TOM1L2: variants seen among roughly 807,000 people sequenced by gnomAD.
TOM1L2 encodes TOM1-like protein 2.
A neutral mutation model predicts 67.9 loss-of-function variants in TOM1L2; 31 were observed. The observed-to-expected ratio is 0.46, with a 90% CI of 0.34 to 0.62. The LOEUF is 0.62. Among genes scored for constraint, TOM1L2 ranks in the 20% least tolerant of loss-of-function variants. The probability of loss-of-function intolerance (pLI) is 0.01; values close to 1 mark genes in which losing one functional copy is unlikely to be tolerated. For synonymous variants in TOM1L2, 256 were observed against 254.0 expected (o/e 1.01, Z -0.07); for missense variants, 606 against 663.5 (o/e 0.91, Z 0.95).
chr17:17,874,112 A>C (rs1598235152), intron 7 of TOM1L2, among the ~76,000 whole-genome samples: 2 of 145,224 alleles, frequency 1.4e-5, no homozygotes, highest in African/African-American at 5.1e-5. Flanking sequence ...CCTGCCACCA[A>C]GCCCGGCTAA....
intron 2 of TOM1L2, among the ~76,000 whole-genome samples, chr17:17,902,170 C>T (rs949309184): frequency 4.6e-5 from 7 of 151,700 alleles, no homozygotes; most frequent in Non-Finnish European, 1.0e-4. Context: ...GAGCAAAACT[C>T]CACCTCAAAA....
chr17:17,879,535 G>T, intron 7 of TOM1L2, 92 bp downstream of exon 7: 3 of 995,456 alleles, frequency 3.0e-6, no homozygotes, highest in Non-Finnish European at 4.8e-6. Context: ...GACCTGTCCC[G>T]CCTTGCCGCT....
intron 1 of TOM1L2, among the ~76,000 whole-genome samples, chr17:17,921,858 C>T (rs915713955): frequency 1.3e-5 from 2 of 152,136 alleles, no homozygotes; most frequent in East Asian, 1.9e-4. Flanking sequence ...AGGGGCTGTT[C>T]CCCTCGCCCT....
In TOM1L2 at chr17:17,845,425, G is replaced by A. The variant is rs2035593153; in HGVS notation, c.*2210C>T. The A allele has an allele frequency of 6.6e-6, 1 of 152,252 alleles. No individual in the cohort carries two copies. The highest frequency in any genetic ancestry group is 2.1e-4 in the South Asian group (1 of 4,834). 9.4% of individuals were successfully genotyped at this position (152,252 alleles called of 1,614,324 possible). ...AGTTTTGCTGGGGGCTCCCCAGGAG[G>A]GCGCCTATTTCAGCTTCACGCACTA... On this transcript the variant is annotated 3_prime_UTR_variant, in exon 15 of 15. Coordinates refer to ENST00000379504, the MANE Select transcript of TOM1L2 (RefSeq NM_001082968.2).
chr17:17,950,363 T>C (rs770851384), intron 1 of TOM1L2, among the ~76,000 whole-genome samples: 2 of 151,956 alleles, frequency 1.3e-5, no homozygotes, highest in Non-Finnish European at 2.9e-5. Flanking sequence ...TTTACCAAGT[T>C]GGCCGCGCTT....
intron 11 of TOM1L2, 50 bp downstream of exon 11, chr17:17,862,681 G>A: frequency 6.7e-7 from 1 of 1,495,554 alleles, no homozygotes; most frequent in South Asian, 1.1e-5. Flanking sequence ...CCAGGCATGG[G>A]TCAATCCCCC....
intron 1 of TOM1L2, among the ~76,000 whole-genome samples, chr17:17,962,457 C>T (rs1368488276): frequency 2.0e-5 from 3 of 151,904 alleles, no homozygotes; most frequent in South Asian, 2.1e-4. Context: ...GGACTACAGG[C>T]GCACACTGCC....
At chr17:17,882,046 C>T (rs954759504) in intron 6 of TOM1L2, among the ~76,000 whole-genome samples, 1 of 152,144 alleles carries the variant, frequency 6.6e-6, no homozygotes, top group Non-Finnish European at 1.5e-5. Flanking sequence ...CTCCCCAATT[C>T]ATCTAAAAAA....
rs772011316 is a variant in TOM1L2, at chr17:17,847,243, C to T, written c.*392G>A. On this transcript the variant is annotated 3_prime_UTR_variant, in exon 15 of 15. Coordinates refer to ENST00000379504, the MANE Select transcript of TOM1L2 (RefSeq NM_001082968.2). ...AGGAGGGCAGAATGCCTGAGAAGGT[C>T]GCTGAGCCAGGCAGAGGTGAGCACA... 1.8e-5 allele frequency: 4 copies of T among 222,728 alleles called. No individual in the cohort carries two copies. The highest frequency in any genetic ancestry group is 7.1e-5 in the South Asian group (1 of 14,060). The allele number at this position is 222,728 out of a possible 1,614,324, so 13.8% of individuals were successfully genotyped here. A position where few individuals can be genotyped will look rare whatever the true frequency, so the allele number is the denominator to read the frequency against.
rs10555800 is a variant in TOM1L2 at position 17,969,859 on chromosome 17, T to TTCTC, written c.52+2399_52+2402dup. Among the ~76,000 whole-genome samples the TTCTC allele has an allele frequency of 1.1e-3, 172 of 150,244 alleles. 1 individual carries two copies. The highest frequency in any genetic ancestry group is 3.8e-3 in the African/African-American group (154 of 40,912). ...TACATTACTCTGTGAATAGGAATCT[T>TTCTC]TCTCTCTCTCTCTCTCTCTCTCAGA... On this transcript the variant is annotated intron_variant, in intron 1 of 14. Transcript: ENST00000379504.
intron 1 of TOM1L2, among the ~76,000 whole-genome samples, chr17:17,918,466 C>G (rs1285726424): frequency 4.6e-5 from 7 of 152,116 alleles, no homozygotes; most frequent in Non-Finnish European, 7.4e-5. Context: ...AAAACACAGT[C>G]ATACACCATG....
At position 17,872,408 on chromosome 17, in the gene TOM1L2, CT is replaced by C. The variant is rs1375173641; in HGVS notation, c.778-2936del. Among the ~76,000 whole-genome samples the C allele has an allele frequency of 1.4e-4, 22 of 152,302 alleles. No individual in the cohort carries two copies. The South Asian group carries it at 1.7e-3, about 11-fold the overall frequency. On this transcript the variant is annotated intron_variant, in intron 7 of 14. Coordinates refer to ENST00000379504, the MANE Select transcript of TOM1L2 (RefSeq NM_001082968.2). The stretch of plus-strand genomic sequence containing the variant: ...ACAGAGGAGCACAGATTTAGGTTAA[CT>C]TTGACAGACCATCCTCCCCTGCTTC...
intron 4 of TOM1L2, among the ~76,000 whole-genome samples, chr17:17,891,697 C>T (rs2038283970): frequency 6.6e-6 from 1 of 151,992 alleles, no homozygotes; most frequent in African/African-American, 2.4e-5. Flanking sequence ...ACATGAATTC[C>T]TGGGGGTATT....
intron 7 of TOM1L2, among the ~76,000 whole-genome samples, chr17:17,878,135 G>A (rs538056486): frequency 5.9e-5 from 9 of 152,246 alleles, no homozygotes; most frequent in Non-Finnish European, 1.2e-4. Context: ...ACGCCTGGCC[G>A]AACCTTCCTG....
At chr17:17,960,083 T>A (rs1472517264) in intron 1 of TOM1L2, among the ~76,000 whole-genome samples, 1 of 152,240 alleles carries the variant, frequency 6.6e-6, no homozygotes, top group Non-Finnish European at 1.5e-5. Flanking sequence ...AGAGGACACT[T>A]GTACACTGAG....
At chr17:17,881,805 G>C (rs2037736008) in intron 6 of TOM1L2, among the ~76,000 whole-genome samples, 1 of 152,148 alleles carries the variant, frequency 6.6e-6, no homozygotes, top group Non-Finnish European at 1.5e-5. Context: ...GAGCTAGCAG[G>C]GAAGTGTGAG....
rs3737123 is a variant in TOM1L2 at position 17,846,794 on chromosome 17, T to C, written c.*841A>G. On this transcript the variant is annotated 3_prime_UTR_variant, in exon 15 of 15. Transcript: ENST00000379504. ...AGGCAAGCCAGAGCAATACCTCCAG[T>C]GCAAGTCCCTCCACAAGCCAGGACC... 3,680 of 152,644 alleles carry C rather than the reference T, an allele frequency of 0.024. 265 individuals carry two copies. The East Asian group carries it at 0.27, about 11-fold the overall frequency. The allele number at this position is 152,644 out of a possible 1,614,324, so 9.5% of individuals were successfully genotyped here. A position where few individuals can be genotyped will look rare whatever the true frequency, so the allele number is the denominator to read the frequency against.
Position 17,972,308 on chromosome 17 carries a change from C to T in TOM1L2, c.6G>A (p.Glu2=), listed in dbSNP as rs1457999940. 1.9e-6 allele frequency: 3 copies of T among 1,551,488 alleles called. No individual in the cohort carries two copies. The highest frequency in any genetic ancestry group is 1.7e-6 in the Non-Finnish European group (2 of 1,148,102). Residue 2 remains glutamate (E), a synonymous_variant, in exon 1 of 15, where the codon GAG becomes GAA. Transcript: ENST00000379504. M[E]FLLGNPFSTP... is the part of the protein sequence containing the mutation. ...TGCTGAACGGGTTCCCCAGGAGGAA[C>T]TCCATCTTGGGTGGACAACACGCAG...
intron 12 of TOM1L2, among the ~76,000 whole-genome samples, chr17:17,858,008 C>T (rs978773875): frequency 2.0e-5 from 3 of 152,106 alleles, no homozygotes; most frequent in African/African-American, 7.2e-5. Context: ...TCCCCCTTAC[C>T]TGCCTGGAAA....
Sources: gnomAD v4.1 joint callset for allele counts (sites outside exome capture counted in the v4.1 genomes callset) on GRCh38, gnomAD v4.1.1 for gene constraint, MANE v1.5 for transcripts, NCBI Gene and HGNC (gene_info 2026-07-23, HGNC 2026-07-21) for gene names.